The following TMEM184B variants were observed in gnomAD, a reference collection of about 807,000 sequenced individuals.
The protein encoded by TMEM184B is transmembrane protein 184B.
In TMEM184B, 17 loss-of-function variants were observed where a neutral mutation model predicts 41.8. The observed-to-expected ratio is 0.41, with a 90% CI of 0.28 to 0.61. The LOEUF is 0.61. TMEM184B is among the 20% of genes least tolerant of loss of function. The pLI, the probability that TMEM184B is intolerant of heterozygous loss-of-function variation, is 0.34. For missense variants in TMEM184B, 393 were observed against 557.8 expected, an observed-to-expected ratio of 0.70 and a Z score of 2.98; for synonymous variants, 240 against 229.5, an observed-to-expected ratio of 1.05 and a Z score of -0.41.
intron 1 of TMEM184B, among the ~76,000 whole-genome samples, chr22:38,257,700 A>G (rs2092305556): frequency 6.6e-6 from 1 of 152,198 alleles, no homozygotes; most frequent in African/African-American, 2.4e-5. Flanking sequence ...TATTACGTAC[A>G]CACTGAAACA....
intron 3 of TMEM184B, 58 bp downstream of exon 3, chr22:38,245,876 CA>C (rs1203999372): frequency 6.8e-7 from 1 of 1,469,796 alleles, no homozygotes; most frequent in African/African-American, 1.4e-5. Flanking sequence ...AATGTGGGGA[CA>C]GGGGCTCCCA....
At chr22:38,224,762 T>A in intron 8 of TMEM184B, 23 bp downstream of exon 8, 1 of 1,533,296 alleles carries the variant, frequency 6.5e-7, no homozygotes, top group East Asian at 2.4e-5. Context: ...CCAGCGGGGG[T>A]CGCCTAGGAC....
chr22:38,231,354 G>A lies in TMEM184B; in HGVS notation c.359-20C>T. 1.9e-6 allele frequency: 3 copies of A among 1,602,066 alleles called. No homozygotes were observed. The highest frequency in any genetic ancestry group is 2.6e-6 in the Non-Finnish European group (3 of 1,168,946). On this transcript the variant is annotated intron_variant, in intron 3 of 8. Coordinates refer to ENST00000361906, the MANE Select transcript of TMEM184B (RefSeq NM_012264.5). ...CCAAGGCTGCGAAGAGAGTGTCCAGGAGAAACCAGTCAAATCAGCAGAATG... is the reference window on the plus strand; with the variant it reads ...CCAAGGCTGCGAAGAGAGTGTCCAGAAGAAACCAGTCAAATCAGCAGAATG...
At chr22:38,259,483 C>T (rs906908049) in intron 1 of TMEM184B, among the ~76,000 whole-genome samples, 10 of 152,126 alleles carry the variant, frequency 6.6e-5, no homozygotes, top group African/African-American at 9.7e-5. Context: ...AGGTAGAGAG[C>T]GAGAAGAGGG....
chr22:38,264,211 C>G (rs1271146714), intron 1 of TMEM184B, among the ~76,000 whole-genome samples: 1 of 152,242 alleles, frequency 6.6e-6, no homozygotes, highest in Admixed American at 6.5e-5. Context: ...CCGGCCCCAA[C>G]TCACTTGGTG....
intron 3 of TMEM184B, among the ~76,000 whole-genome samples, chr22:38,240,082 G>C (rs2091870121): frequency 6.6e-6 from 1 of 152,056 alleles, no homozygotes; most frequent in Admixed American, 6.5e-5. Context: ...AGCCTCCTGA[G>C]TTGCTGGTAT....
chr22:38,260,163 C>T (rs531308357), intron 1 of TMEM184B, among the ~76,000 whole-genome samples: 2 of 152,284 alleles, frequency 1.3e-5, no homozygotes, highest in African/African-American at 4.8e-5. Context: ...CCACCTTGTC[C>T]TCCCAAAGTT....
rs2091441818 is a variant in TMEM184B, at chr22:38,226,455, A to T, written c.617+324T>A. ...CACAGCACGGGCTTTGTATCTGTGGACTTGAGCCGACCTCTTGGGGCTCTG... is the reference window on the plus strand; with the variant it reads ...CACAGCACGGGCTTTGTATCTGTGGTCTTGAGCCGACCTCTTGGGGCTCTG... On this transcript the variant is annotated intron_variant, in intron 6 of 8. Coordinates refer to ENST00000361906, the MANE Select transcript of TMEM184B (RefSeq NM_012264.5). The surrounding 1 kb of genome is among the most constrained non-coding windows in gnomAD (Gnocchi z 4.6). 1 of 304,112 alleles carries T rather than the reference A, an allele frequency of 3.3e-6. No individual in the cohort carries two copies. The highest frequency in any genetic ancestry group is 6.5e-6 in the Non-Finnish European group (1 of 153,584). 18.8% of individuals were successfully genotyped at this position (304,112 alleles called of 1,614,324 possible).
chr22:38,231,648 G>T, intron 3 of TMEM184B: 1 of 504,240 alleles, frequency 2.0e-6, no homozygotes, highest in Non-Finnish European at 3.6e-6. Flanking sequence ...AGGTAAGGGT[G>T]GGTACTCAGG....
chr22:38,246,682 A>C, intron 2 of TMEM184B: 1 of 658,204 alleles, frequency 1.5e-6, no homozygotes, highest in Non-Finnish European at 2.1e-6. Flanking sequence ...AAACAGAGGC[A>C]GCACCACTGC....
Position 38,244,178 on chromosome 22 carries a change from CTA to C in TMEM184B, c.358+1755_358+1756del, listed in dbSNP as rs560982107. ...CAAACCTAAAGGCATTTCCTGTGCC[CTA>C]TGAGTTCTCAGGGATACACAAGTTT... On this transcript the variant is annotated intron_variant, in intron 3 of 8. Transcript: ENST00000361906. 3.7e-4 allele frequency among the ~76,000 whole-genome samples: 57 copies of C among 152,226 alleles called. No homozygotes were observed. The South Asian group carries it at 7.7e-3, about 21-fold the overall frequency.
chr22:38,250,465 C>T (rs1171291537), intron 1 of TMEM184B, among the ~76,000 whole-genome samples: 1 of 152,176 alleles, frequency 6.6e-6, no homozygotes, highest in Non-Finnish European at 1.5e-5. Flanking sequence ...TATATAAAGA[C>T]TGGTGGCAAG....
intron 1 of TMEM184B, among the ~76,000 whole-genome samples, chr22:38,263,643 C>A (rs540145931): frequency 6.6e-6 from 1 of 152,254 alleles, no homozygotes; most frequent in East Asian, 1.9e-4. Flanking sequence ...ATTTTGCACA[C>A]GTGTTAACCC....
At chr22:38,231,745 G>A (rs1267960909) in intron 3 of TMEM184B, 2 of 360,346 alleles carry the variant, frequency 5.6e-6, no homozygotes, top group Non-Finnish European at 1.1e-5. Context: ...ATGCGCCTGT[G>A]GTCCCAGCTA....
intron 3 of TMEM184B, among the ~76,000 whole-genome samples, chr22:38,234,020 C>T (rs978694248): frequency 2.4e-4 from 28 of 118,480 alleles, no homozygotes; most frequent in South Asian, 3.2e-4. Context: ...CCGCCCACCT[C>T]GGCCTCCCAA....
At chr22:38,247,179 C>A (rs536158240) in intron 2 of TMEM184B, among the ~76,000 whole-genome samples, 69 of 152,356 alleles carry the variant, frequency 4.5e-4, no homozygotes, top group Admixed American at 9.8e-4. Flanking sequence ...TTCCTCTCCC[C>A]CTCCCTCTCA....
chr22:38,220,736 T>G lies in TMEM184B; in HGVS notation c.*733A>C. ...AGCCGGCAGTGCGGGCTGTGGGCTGTCCTTGGTAGGCCAGGGGGAAGGGGC... is the reference window on the plus strand; with the variant it reads ...AGCCGGCAGTGCGGGCTGTGGGCTGGCCTTGGTAGGCCAGGGGGAAGGGGC... On this transcript the variant is annotated 3_prime_UTR_variant, in exon 9 of 9. Transcript: ENST00000361906. 13 of 986,314 alleles carry G rather than the reference T, an allele frequency of 1.3e-5. No individual in the cohort carries two copies. The highest frequency in any genetic ancestry group is 1.6e-5 in the Non-Finnish European group (13 of 830,298). 61.1% of individuals were successfully genotyped at this position (986,314 alleles called of 1,614,324 possible).
intron 1 of TMEM184B, among the ~76,000 whole-genome samples, chr22:38,251,446 G>C (rs1167931295): frequency 6.6e-6 from 1 of 152,184 alleles, no homozygotes; most frequent in Non-Finnish European, 1.5e-5. Flanking sequence ...CTGGCTCATA[G>C]ACGCATGGTC....
At chr22:38,270,170 C>T (rs1463740820) in intron 1 of TMEM184B, among the ~76,000 whole-genome samples, 1 of 152,204 alleles carries the variant, frequency 6.6e-6, no homozygotes, top group Non-Finnish European at 1.5e-5. Flanking sequence ...GGAGTTCCCT[C>T]TACCTGGAAC....
Sources: allele counts gnomAD v4.1 joint callset (sites outside exome capture counted in the v4.1 genomes callset), GRCh38; gene constraint gnomAD v4.1.1; non-coding constraint Gnocchi (gnomAD v3.1); transcripts MANE v1.5; gene names NCBI Gene and HGNC (gene_info 2026-07-23, HGNC 2026-07-21).